The following SRBD1 variants were observed in gnomAD, a reference collection of about 807,000 sequenced individuals.
SRBD1 encodes the protein S1 RNA-binding domain-containing protein 1.
A neutral mutation model predicts 115.3 loss-of-function variants in SRBD1; 88 were observed. The ratio of observed to expected loss-of-function variants is 0.76; its 90% CI spans 0.64 to 0.91. SRBD1 has a LOEUF of 0.91. Ranked by LOEUF, SRBD1 falls within the 40% of genes least tolerant of loss-of-function variation. The pLI is 0.00. For synonymous variants in SRBD1, 509 were observed against 407.7 expected (o/e 1.25, Z -2.99); for missense variants, 1,385 against 1,177.4 (o/e 1.18, Z -2.58).
chr2:45,547,419 A>G, intron 13 of SRBD1, 103 bp downstream of exon 13: 1 of 989,826 alleles, frequency 1.0e-6, no homozygotes, highest in Non-Finnish European at 1.5e-6. Flanking sequence ...ATTGTCTCTC[A>G]CAAAGGCACC....
chr2:45,480,642 G>C (rs919277565), intron 15 of SRBD1, among the ~76,000 whole-genome samples: 3 of 152,122 alleles, frequency 2.0e-5, no homozygotes, highest in Non-Finnish European at 4.4e-5. Flanking sequence ...ATCTACTCCT[G>C]GTGAAGATGC....
chr2:45,398,735 AAC>A (rs3835984), intron 19 of SRBD1, among the ~76,000 whole-genome samples: 18,313 of 152,144 alleles, frequency 0.12, 1,139 homozygotes, highest in East Asian at 0.19. Flanking sequence ...GAAATAGTTG[AAC>A]AGTGCTCATA....
intron 19 of SRBD1, among the ~76,000 whole-genome samples, chr2:45,408,008 G>A: frequency 6.6e-6 from 1 of 152,060 alleles, no homozygotes; most frequent in East Asian, 1.9e-4. Flanking sequence ...AACATGAAAA[G>A]AAAGACATAA....
At chr2:45,397,017 G>A (rs1017870101) in intron 19 of SRBD1, among the ~76,000 whole-genome samples, 2 of 152,002 alleles carry the variant, frequency 1.3e-5, no homozygotes, top group African/African-American at 4.8e-5. Flanking sequence ...ACACTTTCAA[G>A]AGACTTTCCT....
rs1326264744 is a variant in SRBD1 at position 45,415,032 on chromosome 2, T to C, written c.2334-1739A>G. 2.5e-4 allele frequency among the ~76,000 whole-genome samples: 17 copies of C among 67,180 alleles called. 2 individuals are homozygous for C. The South Asian group carries it at 6.5e-3, about 26-fold the overall frequency. The allele number at this position is 67,180 out of a possible 152,430, so 44.1% of individuals were successfully genotyped here. Reference sequence around the variant, plus strand: ...ATAGTATGTATATACACACATATAGTGTGTATATAGTATGTATATACACAC... The same window carrying C: ...ATAGTATGTATATACACACATATAGCGTGTATATAGTATGTATATACACAC... On this transcript the variant is annotated intron_variant, in intron 18 of 20. Transcript: ENST00000263736.
At chr2:45,550,999 G>C (rs1672280340) in intron 12 of SRBD1, 126 bp downstream of exon 12, 7 of 1,096,904 alleles carry the variant, frequency 6.4e-6, no homozygotes, top group Non-Finnish European at 8.8e-6. Context: ...CAACACCCCT[G>C]TATGTGAGAA....
Position 45,607,626 on chromosome 2 carries a change from T to TA in SRBD1, c.1-2186dup, listed in dbSNP as rs1022338198. On this transcript the variant is annotated intron_variant, in intron 1 of 20. Coordinates refer to ENST00000263736, the MANE Select transcript of SRBD1 (RefSeq NM_018079.5). Reference sequence around the variant, plus strand: ...CAAACCAATTTACCCTGCAGTATTCTAAAAAAAAAAAATTCATATGAAGCA... The same window carrying TA: ...CAAACCAATTTACCCTGCAGTATTCTAAAAAAAAAAAAATTCATATGAAGCA... Among the ~76,000 whole-genome samples, 467 of 145,768 alleles carry TA rather than the reference T, an allele frequency of 3.2e-3. 2 individuals are homozygous for TA. The highest frequency in any genetic ancestry group is 8.9e-3 in the African/African-American group (355 of 39,942).
chr2:45,421,505 T>TCAAA (rs1339665120), intron 16 of SRBD1, among the ~76,000 whole-genome samples: 1 of 46,294 alleles, frequency 2.2e-5, no homozygotes, highest in East Asian at 5.6e-4. Context: ...AGACTCCGTC[T>TCAAA]CAAACAAAAA....
At chr2:45,412,093 G>C (rs148241920) in intron 19 of SRBD1, among the ~76,000 whole-genome samples, 5 of 151,950 alleles carry the variant, frequency 3.3e-5, no homozygotes, top group Non-Finnish European at 5.9e-5. Flanking sequence ...GTGACAGAGA[G>C]ATCTTGTCTC....
At chr2:45,480,644 T>A (rs1669933621) in intron 15 of SRBD1, among the ~76,000 whole-genome samples, 1 of 152,200 alleles carries the variant, frequency 6.6e-6, no homozygotes, top group Non-Finnish European at 1.5e-5. Context: ...CTACTCCTGG[T>A]GAAGATGCTA....
At chr2:45,600,810 T>C (rs1437788271) in intron 3 of SRBD1, among the ~76,000 whole-genome samples, 2 of 152,162 alleles carry the variant, frequency 1.3e-5, no homozygotes, top group Non-Finnish European at 2.9e-5. Context: ...ACATGAACAA[T>C]TCCCAAACTA....
At chr2:45,568,596 T>G (rs932696370) in intron 9 of SRBD1, among the ~76,000 whole-genome samples, 14 of 152,198 alleles carry the variant, frequency 9.2e-5, no homozygotes, top group African/African-American at 2.9e-4. Flanking sequence ...CAGAAGCCTG[T>G]GTCAATCATA....
intron 16 of SRBD1, among the ~76,000 whole-genome samples, chr2:45,458,139 G>C (rs1572662553): frequency 6.6e-6 from 1 of 152,054 alleles, no homozygotes; most frequent in South Asian, 2.1e-4. Context: ...TTACTTTGGA[G>C]TTTATGAAAA....
chr2:45,576,557 C>A (rs1470395034), intron 7 of SRBD1, among the ~76,000 whole-genome samples: 1 of 152,166 alleles, frequency 6.6e-6, no homozygotes, highest in African/African-American at 2.4e-5. Context: ...TTTAAGAAAA[C>A]TTTCCTATGA....
chr2:45,546,338 GT>G (rs2104030448), intron 14 of SRBD1: 1 of 985,408 alleles, frequency 1.0e-6, no homozygotes, highest in Admixed American at 6.1e-5. Flanking sequence ...GTTCTGAAGG[GT>G]AATGATTCAT....
chr2:45,604,568 G>C lies in SRBD1; in HGVS notation c.80+794C>G, dbSNP rs893746801. Among the ~76,000 whole-genome samples the C allele has an allele frequency of 2.0e-5, 3 of 152,174 alleles. No homozygotes were observed. In the East Asian group the frequency reaches 5.8e-4, roughly 29 times the overall value. On this transcript the variant is annotated intron_variant, in intron 2 of 20. Coordinates refer to ENST00000263736, the MANE Select transcript of SRBD1 (RefSeq NM_018079.5). Reference sequence around the variant, plus strand: ...TCATGTCTCTAGACTGGCCACACTGGTCTTCTTGCTGTTCCCTGAACACAC... The same window carrying C: ...TCATGTCTCTAGACTGGCCACACTGCTCTTCTTGCTGTTCCCTGAACACAC...
rs138922859 is a variant in SRBD1 at position 45,418,035 on chromosome 2, C to T, written c.2333+330G>A. ...AATAAGTTTTCAAAAAATAACGAAT[C>T]TAAAGTAGTTGTATTACTCTCCTAA... On this transcript the variant is annotated intron_variant, in intron 18 of 20. Coordinates refer to ENST00000263736, the MANE Select transcript of SRBD1 (RefSeq NM_018079.5). Among the ~76,000 whole-genome samples, 16 of 152,340 alleles carry T rather than the reference C, an allele frequency of 1.1e-4. No individual in the cohort carries two copies. In the East Asian group the frequency reaches 3.1e-3, roughly 29 times the overall value.
intron 14 of SRBD1, among the ~76,000 whole-genome samples, chr2:45,530,506 T>C (rs1361887123): frequency 6.6e-6 from 1 of 152,010 alleles, no homozygotes; most frequent in East Asian, 1.9e-4. Flanking sequence ...TTAAAGTGCT[T>C]ACAAAATAAG....
chr2:45,410,720 G>A (rs1667576629), intron 19 of SRBD1, among the ~76,000 whole-genome samples: 1 of 152,172 alleles, frequency 6.6e-6, no homozygotes, highest in South Asian at 2.1e-4. Flanking sequence ...GAGGGGAGAA[G>A]GGCTGAAGGT....
Sources: allele counts gnomAD v4.1 joint callset (sites outside exome capture counted in the v4.1 genomes callset), GRCh38; gene constraint gnomAD v4.1.1; transcripts MANE v1.5; gene names NCBI Gene and HGNC (gene_info 2026-07-23, HGNC 2026-07-21).